ADGRB1: variants seen among roughly 807,000 people sequenced by gnomAD.
The protein encoded by ADGRB1 is adhesion G protein-coupled receptor B1, also known as brain-specific angiogenesis inhibitor 1.
In ADGRB1, 36 loss-of-function variants were observed where a neutral mutation model predicts 175.7. The observed-to-expected ratio is 0.20, with a 90% CI of 0.16 to 0.27. ADGRB1 has a LOEUF of 0.27. ADGRB1 is among the 10% of genes least tolerant of loss of function. The pLI, the probability that ADGRB1 is intolerant of heterozygous loss-of-function variation, is 1.00. For synonymous variants in ADGRB1, 1,054 were observed against 979.4 expected (o/e 1.08, Z -1.42); for missense variants, 1,731 against 2,255.3 (o/e 0.77, Z 4.71).
chr8:142,481,152 G>A (rs974960360), intron 9 of ADGRB1, 102 bp from the exon 10 acceptor site: 11 of 1,067,720 alleles, frequency 1.0e-5, no homozygotes, highest in East Asian at 7.2e-5. Context: ...CTGTTTCTGG[G>A]GGCCACAGGG....
Position 142,510,903 on chromosome 8 carries a change from TCTCC to T in ADGRB1, c.2676-23_2676-20del. On this transcript the variant is annotated intron_variant, in intron 17 of 30. Coordinates refer to ENST00000517894, the MANE Select transcript of ADGRB1 (RefSeq NM_001702.3). The surrounding 1 kb of genome is among the most constrained non-coding windows in gnomAD (Gnocchi z 6.3). Reference sequence around the variant, plus strand: ...CCCGCCGCCGCTGACGCTCCGCCTGTCTCCCTCCCGTGTCCCGCCCGCCCCCAGA... The same window carrying T: ...CCCGCCGCCGCTGACGCTCCGCCTGTCTCCCGTGTCCCGCCCGCCCCCAGA... The T allele has an allele frequency of 9.4e-7, 1 of 1,059,774 alleles. No homozygotes were observed. The highest frequency in any genetic ancestry group is 1.1e-6 in the Non-Finnish European group (1 of 875,076). 65.6% of individuals were successfully genotyped at this position (1,059,774 alleles called of 1,614,324 possible). A position where few individuals can be genotyped will look rare whatever the true frequency, so the allele number is the denominator to read the frequency against.
intron 26 of ADGRB1, among the ~76,000 whole-genome samples, chr8:142,538,420 C>T (rs1421963412): frequency 6.6e-6 from 1 of 152,234 alleles, no homozygotes; most frequent in Non-Finnish European, 1.5e-5. Context: ...TCAGTGTCTC[C>T]ATCAGCCAGG....
intron 2 of ADGRB1, among the ~76,000 whole-genome samples, chr8:142,468,239 A>G (rs908622765): frequency 6.6e-6 from 1 of 151,886 alleles, no homozygotes; most frequent in African/African-American, 2.4e-5. Flanking sequence ...TGTGCAGTAC[A>G]TTACTCATGT....
At chr8:142,538,677 G>A (rs899818429) in intron 26 of ADGRB1, among the ~76,000 whole-genome samples, 3 of 152,190 alleles carry the variant, frequency 2.0e-5, no homozygotes, top group African/African-American at 7.2e-5. Flanking sequence ...CCCTGAGGGC[G>A]GGTCTGGGCC....
intron 20 of ADGRB1, among the ~76,000 whole-genome samples, chr8:142,521,464 CA>C (rs1441011562): frequency 6.6e-6 from 1 of 152,236 alleles, no homozygotes; most frequent in Non-Finnish European, 1.5e-5. Flanking sequence ...TCTGCTTCCT[CA>C]AGGGGCCACG....
At position 142,477,341 on chromosome 8, in the gene ADGRB1, G is replaced by A. The variant is rs375434627; in HGVS notation, c.1223-44G>A. On this transcript the variant is annotated intron_variant, in intron 5 of 30. Coordinates refer to ENST00000517894, the MANE Select transcript of ADGRB1 (RefSeq NM_001702.3). The stretch of plus-strand genomic sequence containing the variant: ...GGCAGCGGGGGGCCAGGGCAGCGGG[G>A]GCGGTGGCCGCAGTGGGCAGCAGCA... 4.6e-5 allele frequency: 63 copies of A among 1,361,428 alleles called. 2 individuals are homozygous for A. The highest frequency in any genetic ancestry group is 1.6e-4 in the East Asian group (7 of 44,484). The allele number at this position is 1,361,428 out of a possible 1,614,324, so 84.3% of individuals were successfully genotyped here. A position where few individuals can be genotyped will look rare whatever the true frequency, so the allele number is the denominator to read the frequency against.
rs1416535050 is a variant in ADGRB1, at chr8:142,537,645, T to C, written c.3666+563T>C. On this transcript the variant is annotated intron_variant, in intron 26 of 30. Transcript: ENST00000517894. This position sits in a 1 kb window ranked among gnomAD's most constrained non-coding sequence, Gnocchi z 4.6. ...TTCACCCTCTCTGGGCTCTCTGCCC[T>C]CCCCCTGCCCATCCTGGTGTCCTCA... Among the ~76,000 whole-genome samples, 1 of 151,816 alleles carries C rather than the reference T, an allele frequency of 6.6e-6. No individual in the cohort carries two copies. The highest frequency in any genetic ancestry group is 1.5e-5 in the Non-Finnish European group (1 of 67,910).
chr8:142,540,178 T>A (rs1845179661), intron 27 of ADGRB1, among the ~76,000 whole-genome samples: 1 of 152,212 alleles, frequency 6.6e-6, no homozygotes, highest in African/African-American at 2.4e-5. Context: ...GCACCTTCTC[T>A]AGAGACAGCC....
intron 6 of ADGRB1, among the ~76,000 whole-genome samples, 190 bp from the exon 7 acceptor site, chr8:142,477,997 C>A (rs1482484108): frequency 6.7e-6 from 1 of 150,246 alleles, no homozygotes; most frequent in East Asian, 2.0e-4. Flanking sequence ...GGTTTACTCA[C>A]CCGTGTCCCA....
chr8:142,469,662 C>G (rs904150573), intron 2 of ADGRB1, among the ~76,000 whole-genome samples: 1 of 131,760 alleles, frequency 7.6e-6, no homozygotes, highest in Non-Finnish European at 1.6e-5. Context: ...AACGCAAGTG[C>G]GTGTGTGTGC....
chr8:142,463,455 C>G (rs538770459), intron 1 of ADGRB1, among the ~76,000 whole-genome samples: 23 of 152,388 alleles, frequency 1.5e-4, no homozygotes, highest in African/African-American at 5.0e-4. Flanking sequence ...CCCGAGTAAC[C>G]TTTCTCCTGT....
At chr8:142,539,593 C>T in intron 27 of ADGRB1, 180 bp downstream of exon 27, 2 of 719,498 alleles carry the variant, frequency 2.8e-6, no homozygotes, top group Non-Finnish European at 4.6e-6. Flanking sequence ...GGGGCCCAGC[C>T]TTCCACCCCC....
At chr8:142,530,752 C>G (rs1844574247) in intron 24 of ADGRB1, among the ~76,000 whole-genome samples, 1 of 152,162 alleles carries the variant, frequency 6.6e-6, no homozygotes, top group Admixed American at 6.5e-5. Flanking sequence ...CTCATTCCAT[C>G]AGAGAGAAGT....
intron 19 of ADGRB1, 24 bp from the exon 20 acceptor site, chr8:142,520,799 C>G (rs117931477): frequency 6.2e-7 from 1 of 1,604,044 alleles, no homozygotes; most frequent in Non-Finnish European, 8.5e-7. Flanking sequence ...GGGTGCTGAC[C>G]TTGGGCCCCT....
chr8:142,543,805 T>C lies in ADGRB1; in HGVS notation c.4557+97T>C, dbSNP rs1845429286. 2.6e-6 allele frequency: 3 copies of C among 1,157,666 alleles called. No homozygotes were observed. The highest frequency in any genetic ancestry group is 2.0e-5 in the Admixed American group (1 of 49,888). The allele number at this position is 1,157,666 out of a possible 1,614,324, so 71.7% of individuals were successfully genotyped here. On this transcript the variant is annotated intron_variant, in intron 30 of 30. Coordinates refer to ENST00000517894, the MANE Select transcript of ADGRB1 (RefSeq NM_001702.3). This position sits in a 1 kb window ranked among gnomAD's most constrained non-coding sequence, Gnocchi z 4.4. ...TTTGTGCACTTCATCCATCCATCCA[T>C]CCATCCATCCATTCGTTCATTCATT...
rs1437608347 is a variant in ADGRB1, at chr8:142,510,438, G to GCTC, written c.2676-492_2676-490dup. Among the ~76,000 whole-genome samples, 1 of 151,856 alleles carries GCTC rather than the reference G, an allele frequency of 6.6e-6. No individual in the cohort carries two copies. Among genetic ancestry groups the GCTC allele is most frequent in the Non-Finnish European group, 1.5e-5 (1 of 67,910 alleles). On this transcript the variant is annotated intron_variant, in intron 17 of 30. Transcript: ENST00000517894. This position sits in a 1 kb window ranked among gnomAD's most constrained non-coding sequence, Gnocchi z 6.3. ...GCGCCCTGGGCCGCGGGGCCGGAGA[G>GCTC]CTCCGGAGCGGACCCTCGCCGCGCT... is the stretch of plus-strand genomic sequence containing the variant.
Position 142,517,080 on chromosome 8 carries a change from A to C in ADGRB1, c.2818-1058A>C, listed in dbSNP as rs56922039. On this transcript the variant is annotated intron_variant, in intron 18 of 30. Transcript: ENST00000517894. ...GAGGCACAGTCATGCGAAGAGGGGAAGGGTCTTCTGGGGGCACCGCTGGGG... is the reference window on the plus strand; with the variant it reads ...GAGGCACAGTCATGCGAAGAGGGGACGGGTCTTCTGGGGGCACCGCTGGGG... 9.8e-3 allele frequency among the ~76,000 whole-genome samples: 1,493 copies of C among 152,134 alleles called. 26 individuals carry two copies. The highest frequency in any genetic ancestry group is 0.034 in the African/African-American group (1,409 of 41,492).
At chr8:142,491,024 C>T (rs2131886209) in intron 17 of ADGRB1, among the ~76,000 whole-genome samples, 1 of 152,306 alleles carries the variant, frequency 6.6e-6, no homozygotes, top group Non-Finnish European at 1.5e-5. Flanking sequence ...CAGGGATGTC[C>T]ACAGTTCAGG....
chr8:142,534,218 G>T (rs1844798713), intron 25 of ADGRB1, among the ~76,000 whole-genome samples: 1 of 152,246 alleles, frequency 6.6e-6, no homozygotes. Context: ...GAGCCAGACG[G>T]TGTCAGGAGT....
Sources: allele counts gnomAD v4.1 joint callset (sites outside exome capture counted in the v4.1 genomes callset), GRCh38; gene constraint gnomAD v4.1.1; non-coding constraint Gnocchi (gnomAD v3.1); transcripts MANE v1.5; gene names NCBI Gene and HGNC (gene_info 2026-07-23, HGNC 2026-07-21).